NTNG2: variants seen among roughly 807,000 people sequenced by gnomAD.
NTNG2 encodes the protein netrin G2.
In NTNG2, 15 loss-of-function variants were observed where a neutral mutation model predicts 47.6. That is an observed-to-expected ratio of 0.32 (90% CI 0.21 to 0.49). The LOEUF is 0.49. Among genes scored for constraint, NTNG2 ranks in the 20% least tolerant of loss-of-function variants. NTNG2 has a pLI of 0.99. For missense variants in NTNG2, 578 were observed against 764.6 expected (o/e 0.76, Z 2.88); for synonymous variants, 307 against 324.6 (o/e 0.95, Z 0.58).
rs942023917 is a variant in NTNG2, at chr9:132,243,200, G to C, written c.*1089G>C. On this transcript the variant is annotated 3_prime_UTR_variant, in exon 8 of 8. Transcript: ENST00000393229. ...ATGCTCTGATTTATACTGTGTCTCG[G>C]TGGCCACCTCCGATGGATGTGTCAT... 1 of 152,218 alleles carries C rather than the reference G, an allele frequency of 6.6e-6. No individual in the cohort carries two copies. The highest frequency in any genetic ancestry group is 2.4e-5 in the African/African-American group (1 of 41,444). The allele number at this position is 152,218 out of a possible 1,614,324, so 9.4% of individuals were successfully genotyped here.
At position 132,242,243 on chromosome 9, in the gene NTNG2, C is replaced by A. The variant is rs1382011661; in HGVS notation, c.*132C>A. The A allele has an allele frequency of 7.6e-6, 2 of 262,812 alleles. No individual in the cohort carries two copies. The highest frequency in any genetic ancestry group is 1.2e-5 in the Non-Finnish European group (2 of 160,706). 16.3% of individuals were successfully genotyped at this position (262,812 alleles called of 1,614,324 possible). ...CTCCCAGGTGCTACTCAGCAGGGCC[C>A]CCCGCCCGGCCCGCGCTCCCGCCCG... On this transcript the variant is annotated 3_prime_UTR_variant, in exon 8 of 8. Transcript: ENST00000393229. This position sits in a 1 kb window ranked among gnomAD's most constrained non-coding sequence, Gnocchi z 5.9.
At chr9:132,195,474 A>ATTTTTTTTT (rs56733654) in intron 2 of NTNG2, among the ~76,000 whole-genome samples, 1 of 80,118 alleles carries the variant, frequency 1.2e-5, no homozygotes, top group Non-Finnish European at 2.4e-5. Flanking sequence ...ACGCCTGGCT[A>ATTTTTTTTT]TTTTTTTTTT....
chr9:132,188,985 C>G (rs1200946648), intron 2 of NTNG2, among the ~76,000 whole-genome samples: 1 of 151,334 alleles, frequency 6.6e-6, no homozygotes, highest in African/African-American at 2.4e-5. Flanking sequence ...GGCTGAGGGC[C>G]CATCATAACA....
intron 3 of NTNG2, among the ~76,000 whole-genome samples, chr9:132,213,254 G>A (rs1355704469): frequency 2.7e-5 from 4 of 150,936 alleles, no homozygotes; most frequent in African/African-American, 9.7e-5. Context: ...CTTGGGAGGC[G>A]GAGGTTAAAG....
At chr9:132,207,607 C>T (rs925091749) in intron 3 of NTNG2, among the ~76,000 whole-genome samples, 1 of 152,212 alleles carries the variant, frequency 6.6e-6, no homozygotes, top group Non-Finnish European at 1.5e-5. Context: ...CATGTAAGGT[C>T]ACATTCATAG....
At chr9:132,190,232 C>CAAAAA (rs58974463) in intron 2 of NTNG2, among the ~76,000 whole-genome samples, 29 of 69,912 alleles carry the variant, frequency 4.1e-4, no homozygotes, top group African/African-American at 1.4e-3. Context: ...GACTCCATCT[C>CAAAAA]AAAAAAAAAA....
At chr9:132,201,736 C>T (rs760777833) in intron 3 of NTNG2, among the ~76,000 whole-genome samples, 15 of 152,194 alleles carry the variant, frequency 9.9e-5, no homozygotes, top group Non-Finnish European at 1.6e-4. Flanking sequence ...TGCTATTGAG[C>T]GCTGTTATTA....
Position 132,166,990 on chromosome 9 carries a change from G to T in NTNG2, c.159G>T (p.Lys53Asn). The T allele has an allele frequency of 1.9e-6, 3 of 1,614,268 alleles. No homozygotes were observed. The highest frequency in any genetic ancestry group is 2.5e-6 in the Non-Finnish European group (3 of 1,180,052). The stretch of plus-strand genomic sequence containing the variant: ...GCCTGAAGGACTACGTCAAGGTGAA[G>T]GTGGAGCCCTCAGGCATCACATGTG... ...VMRLKDYVKV[K>N]VEPSGITCGD... Residue 53 changes from lysine to asparagine, a missense_variant, in exon 2 of 8, where the codon AAG (lysine) becomes AAT (asparagine). By Grantham distance (94) the Lys-to-Asn change is moderately conservative (BLOSUM62 0). Coordinates refer to ENST00000393229, the MANE Select transcript of NTNG2 (RefSeq NM_032536.4).
rs771590912 is a variant in NTNG2, at chr9:132,162,535, AGTGTGT to A, written c.-484+312_-484+317del. ...GGGTCCTTTCCGTCGTGTGTGTGAGAGTGTGTGTGTGTGTGTGTGTGAGAGAGAGAC... is the reference window on the plus strand; with the variant it reads ...GGGTCCTTTCCGTCGTGTGTGTGAGAGTGTGTGTGTGTGTGAGAGAGAGAC... On this transcript the variant is annotated intron_variant, in intron 1 of 7. Coordinates refer to ENST00000393229, the MANE Select transcript of NTNG2 (RefSeq NM_032536.4). The surrounding 1 kb of genome is among the most constrained non-coding windows in gnomAD (Gnocchi z 4.6). Among the ~76,000 whole-genome samples the A allele has an allele frequency of 8.9e-5, 7 of 78,236 alleles. No homozygotes were observed. The highest frequency in any genetic ancestry group is 2.3e-4 in the African/African-American group (4 of 17,148). 51.3% of individuals were successfully genotyped at this position (78,236 alleles called of 152,430 possible).
intron 2 of NTNG2, among the ~76,000 whole-genome samples, chr9:132,193,796 A>G (rs1020656298): frequency 6.6e-6 from 1 of 152,112 alleles, no homozygotes; most frequent in Non-Finnish European, 1.5e-5. Context: ...TGGCTTAAAC[A>G]ACAAAAATGT....
intron 4 of NTNG2, among the ~76,000 whole-genome samples, chr9:132,227,900 C>G (rs1840903937): frequency 6.6e-6 from 1 of 152,232 alleles, no homozygotes; most frequent in Non-Finnish European, 1.5e-5. Context: ...CTGACCCCCA[C>G]CACTGCCACT....
At chr9:132,214,640 C>A (rs376934651) in intron 3 of NTNG2, among the ~76,000 whole-genome samples, 1 of 152,196 alleles carries the variant, frequency 6.6e-6, no homozygotes. Context: ...CAAGTGAGTG[C>A]GCCCCATGTC....
Position 132,226,939 on chromosome 9 carries a change from C to T in NTNG2, c.948C>T (p.Cys316=), listed in dbSNP as rs200407107. 1.2e-5 allele frequency: 20 copies of T among 1,612,676 alleles called. No individual in the cohort carries two copies. The highest frequency in any genetic ancestry group is 1.4e-5 in the Non-Finnish European group (16 of 1,179,804). The stretch of plus-strand genomic sequence containing the variant: ...AGCACAACACCACCGGCCCCGACTG[C>T]GGCAAGTGCAAGAAGAATTTCCGCA... ...ECEHNTTGPD[C]GKCKKNFRTR... is the part of the protein sequence containing the mutation. The change falls in exon 4 of 8, where the codon TGC becomes TGT. Residue 316 remains cysteine, a synonymous_variant. Coordinates refer to ENST00000393229, the MANE Select transcript of NTNG2 (RefSeq NM_032536.4). This position sits in a 1 kb window ranked among gnomAD's most constrained non-coding sequence, Gnocchi z 4.8.
chr9:132,167,234 C>T (rs979818751), intron 2 of NTNG2, among the ~76,000 whole-genome samples, 190 bp downstream of exon 2: 3 of 152,176 alleles, frequency 2.0e-5, no homozygotes, highest in African/African-American at 7.2e-5. Context: ...ACAGAGGACA[C>T]CCTGAGGACA....
At chr9:132,187,334 C>G (rs971037753) in intron 2 of NTNG2, among the ~76,000 whole-genome samples, 2 of 152,200 alleles carry the variant, frequency 1.3e-5, no homozygotes, top group East Asian at 3.8e-4. Flanking sequence ...GCCGCCTTGG[C>G]CAGCTGCAGC....
At chr9:132,212,156 C>G (rs1839636553) in intron 3 of NTNG2, among the ~76,000 whole-genome samples, 1 of 152,158 alleles carries the variant, frequency 6.6e-6, no homozygotes, top group African/African-American at 2.4e-5. Context: ...AGAAATGGGC[C>G]TCTCTGGGCT....
At chr9:132,216,412 C>CTGTGTGTG (rs1839983969) in intron 3 of NTNG2, among the ~76,000 whole-genome samples, 2 of 91,048 alleles carry the variant, frequency 2.2e-5, no homozygotes, top group Admixed American at 1.1e-4. Context: ...CTCTCTCTCT[C>CTGTGTGTG]TCTGTGTGTG....
chr9:132,189,068 C>CTTTTTTT lies in NTNG2; in HGVS notation c.214-8877_214-8871dup, dbSNP rs749756559. 3.6e-3 allele frequency among the ~76,000 whole-genome samples: 334 copies of CTTTTTTT among 93,250 alleles called. 69 individuals carry two copies. Among genetic ancestry groups the CTTTTTTT allele is most frequent in the African/African-American group, 9.2e-3 (203 of 21,982 alleles). 61.2% of individuals were successfully genotyped at this position (93,250 alleles called of 152,430 possible). A position where few individuals can be genotyped will look rare whatever the true frequency, so the allele number is the denominator to read the frequency against. ...TATGTGAAAAAGGCTTTAAGCCTTTCTTTTTTTTTTTTTTTTTTTTTTTTT... is the reference window on the plus strand; with the variant it reads ...TATGTGAAAAAGGCTTTAAGCCTTTCTTTTTTTTTTTTTTTTTTTTTTTTTTTTTTTT... On this transcript the variant is annotated intron_variant, in intron 2 of 7. Coordinates refer to ENST00000393229, the MANE Select transcript of NTNG2 (RefSeq NM_032536.4).
At chr9:132,234,809 C>G (rs1841502633) in intron 5 of NTNG2, among the ~76,000 whole-genome samples, 1 of 152,256 alleles carries the variant, frequency 6.6e-6, no homozygotes, top group Non-Finnish European at 1.5e-5. Flanking sequence ...CACTGAACAT[C>G]ATATTAAAGT....
Sources: gnomAD v4.1 joint callset for allele counts (sites outside exome capture counted in the v4.1 genomes callset) on GRCh38, gnomAD v4.1.1 for gene constraint, Gnocchi (gnomAD v3.1) non-coding constraint, MANE v1.5 for transcripts, NCBI Gene and HGNC (gene_info 2026-07-23, HGNC 2026-07-21) for gene names.